SLC25A21: variants seen among roughly 807,000 people sequenced by gnomAD.
SLC25A21 encodes the protein solute carrier family 25 member 21, also known as mitochondrial 2-oxodicarboxylate carrier.
In SLC25A21, 47 loss-of-function variants were observed where a neutral mutation model predicts 43.8. That is an observed-to-expected ratio of 1.07 (90% CI 0.85 to 1.37). SLC25A21 has a LOEUF of 1.37. SLC25A21 is among the 40% of genes most tolerant of loss of function. The pLI is 0.00. For synonymous variants in SLC25A21, 131 were observed against 121.3 expected, an observed-to-expected ratio of 1.08 and a Z score of -0.52; for missense variants, 352 against 350.2, an observed-to-expected ratio of 1.00 and a Z score of -0.04.
intron 1 of SLC25A21, among the ~76,000 whole-genome samples, chr14:36,912,862 C>T (rs765322845): frequency 6.6e-6 from 1 of 152,164 alleles, no homozygotes; most frequent in Non-Finnish European, 1.5e-5. Flanking sequence ...ACCTGTCTAA[C>T]TTTCCAGGCT....
chr14:36,706,272 C>T (rs757860612), intron 7 of SLC25A21, among the ~76,000 whole-genome samples: 44 of 152,206 alleles, frequency 2.9e-4, no homozygotes, highest in Non-Finnish European at 5.0e-4. Context: ...CCTTAACATT[C>T]ACAAATTACT....
intron 1 of SLC25A21, among the ~76,000 whole-genome samples, chr14:37,167,647 G>A (rs1964051601): frequency 1.3e-5 from 2 of 152,160 alleles, no homozygotes; most frequent in South Asian, 4.1e-4. Context: ...GCAGCTGGAG[G>A]TTACAAGATT....
chr14:37,070,177 T>A (rs2138824177), intron 1 of SLC25A21, among the ~76,000 whole-genome samples: 1 of 152,306 alleles, frequency 6.6e-6, no homozygotes, highest in African/African-American at 2.4e-5. Flanking sequence ...CTAATATATA[T>A]CCTACCTATG....
intron 1 of SLC25A21, among the ~76,000 whole-genome samples, chr14:37,048,654 A>G (rs1379439352): frequency 1.3e-5 from 2 of 152,138 alleles, no homozygotes; most frequent in Non-Finnish European, 2.9e-5. Flanking sequence ...AAAGGTCCAA[A>G]ACTTTACTCT....
intron 3 of SLC25A21, among the ~76,000 whole-genome samples, chr14:36,757,125 G>A (rs1202068866): frequency 6.6e-6 from 1 of 151,564 alleles, no homozygotes; most frequent in African/African-American, 2.4e-5. Flanking sequence ...AGGTGTGGTG[G>A]CATGTGCCTG....
At chr14:37,080,540 C>A (rs573324644) in intron 1 of SLC25A21, among the ~76,000 whole-genome samples, 1 of 152,174 alleles carries the variant, frequency 6.6e-6, no homozygotes, top group African/African-American at 2.4e-5. Flanking sequence ...GTCGAGACTG[C>A]AGTGAGCCAT....
intron 1 of SLC25A21, among the ~76,000 whole-genome samples, chr14:37,029,353 C>A (rs1961158922): frequency 6.6e-6 from 1 of 152,106 alleles, no homozygotes; most frequent in Non-Finnish European, 1.5e-5. Flanking sequence ...ATGGTCCTAC[C>A]CCTTTGCAGA....
chr14:36,908,712 T>C (rs138567294), intron 1 of SLC25A21, among the ~76,000 whole-genome samples: 49 of 152,324 alleles, frequency 3.2e-4, no homozygotes, highest in African/African-American at 1.1e-3. Context: ...TGGATACTTA[T>C]ATTGGATAGC....
chr14:36,835,824 G>A (rs1594628233), intron 2 of SLC25A21, among the ~76,000 whole-genome samples: 1 of 152,320 alleles, frequency 6.6e-6, no homozygotes, highest in East Asian at 1.9e-4. Flanking sequence ...CCTTCTCAGA[G>A]GGCCAGCTTC....
intron 1 of SLC25A21, among the ~76,000 whole-genome samples, chr14:36,953,233 G>A (rs1251708465): frequency 6.6e-6 from 1 of 152,098 alleles, no homozygotes; most frequent in Non-Finnish European, 1.5e-5. Context: ...TATAAATATA[G>A]CAAGATATTT....
chr14:36,952,457 T>C (rs1044620492), intron 1 of SLC25A21: 15 of 152,444 alleles, frequency 9.8e-5, no homozygotes, highest in African/African-American at 3.1e-4. Context: ...TATATTTACA[T>C]GTCTATTGTT....
chr14:37,074,491 G>T (rs1001228213), intron 1 of SLC25A21, among the ~76,000 whole-genome samples: 1 of 152,150 alleles, frequency 6.6e-6, no homozygotes, highest in African/African-American at 2.4e-5. Flanking sequence ...ACTTCCTTTT[G>T]CTTTCTGGCT....
intron 1 of SLC25A21, among the ~76,000 whole-genome samples, chr14:36,938,313 A>G (rs1195004407): frequency 2.6e-5 from 4 of 152,124 alleles, no homozygotes; most frequent in Non-Finnish European, 5.9e-5. Context: ...GCCTTTAACT[A>G]AGATTCCACA....
intron 1 of SLC25A21, among the ~76,000 whole-genome samples, chr14:37,001,428 G>T (rs2138725271): frequency 6.6e-6 from 1 of 152,276 alleles, no homozygotes; most frequent in East Asian, 1.9e-4. Context: ...GCAAGTAAAT[G>T]AGTCAGAATT....
chr14:36,877,453 A>G (rs1890570880), intron 1 of SLC25A21, among the ~76,000 whole-genome samples: 1 of 152,210 alleles, frequency 6.6e-6, no homozygotes, highest in South Asian at 2.1e-4. Flanking sequence ...ATCCCCTATG[A>G]TGGTCCCCTA....
At chr14:36,892,626 C>T (rs1484616105) in intron 1 of SLC25A21, among the ~76,000 whole-genome samples, 9 of 152,028 alleles carry the variant, frequency 5.9e-5, no homozygotes, top group African/African-American at 2.2e-4. Context: ...TATACATGTG[C>T]CATGTTGGTG....
In SLC25A21 at chr14:37,035,785, C is replaced by T. The variant is rs535743965; in HGVS notation, c.70+136496G>A. On this transcript the variant is annotated intron_variant, in intron 1 of 9. Transcript: ENST00000331299. ...AGCTACATCTGGAATCCTAATGGGC[C>T]GCCAATGGTTCCCAGCTAAAGGAAG... is the stretch of plus-strand genomic sequence containing the variant. 2.6e-5 allele frequency among the ~76,000 whole-genome samples: 4 copies of T among 152,294 alleles called. No homozygotes were observed. The East Asian group carries it at 5.8e-4, about 22-fold the overall frequency.
Position 36,680,635 on chromosome 14 carries a change from G to A in SLC25A21, c.*23C>T. 6.2e-7 allele frequency: 1 copy of A among 1,609,072 alleles called. No homozygotes were observed. Among genetic ancestry groups the A allele is most frequent in the South Asian group, 1.1e-5 (1 of 89,872 alleles). On this transcript the variant is annotated 3_prime_UTR_variant, in exon 10 of 10. Transcript: ENST00000331299. ...CATAGCAAATATCCATTATCTCAAGGGGGAAAAACACTTCATAGGCAATCA... is the reference window on the plus strand; with the variant it reads ...CATAGCAAATATCCATTATCTCAAGAGGGAAAAACACTTCATAGGCAATCA...
chr14:36,990,977 A>G (rs1220334894), intron 1 of SLC25A21, among the ~76,000 whole-genome samples: 1 of 152,132 alleles, frequency 6.6e-6, no homozygotes. Context: ...TCTTACTTTC[A>G]TGTGCTGGAA....
Sources: gnomAD v4.1 joint callset for allele counts (sites outside exome capture counted in the v4.1 genomes callset) on GRCh38, gnomAD v4.1.1 for gene constraint, MANE v1.5 for transcripts, NCBI Gene and HGNC (gene_info 2026-07-23, HGNC 2026-07-21) for gene names.